Variants in KHDRBS2 observed in about 807,000 individuals in gnomAD.
KHDRBS2 encodes the protein KH domain-containing, RNA-binding, signal transduction-associated protein 2.
In KHDRBS2, 26 loss-of-function variants were observed where a neutral mutation model predicts 44.3. The observed-to-expected ratio is 0.59, with a 90% CI of 0.43 to 0.81. The LOEUF is 0.81. KHDRBS2 is among the 40% of genes least tolerant of loss of function. The probability of loss-of-function intolerance (pLI) is 0.00; values close to 1 mark genes in which losing one functional copy is unlikely to be tolerated. For missense variants in KHDRBS2, 476 were observed against 433.1 expected (o/e 1.10, Z -0.88); for synonymous variants, 194 against 151.1 (o/e 1.28, Z -2.08).
intron 2 of KHDRBS2, among the ~76,000 whole-genome samples, chr6:62,059,491 T>C (rs538631146): frequency 6.6e-6 from 1 of 151,692 alleles, no homozygotes; most frequent in East Asian, 2.0e-4. Flanking sequence ...GACATGGCAA[T>C]TTATTATATT....
At chr6:61,551,479 C>A in the KHDRBS2 span, among the ~76,000 whole-genome samples, 1 of 152,088 alleles carries the variant, frequency 6.6e-6, no homozygotes, top group East Asian at 1.9e-4. Flanking sequence ...GGTTATCTTC[C>A]ATGGTTTTTT....
intron 1 of KHDRBS2, among the ~76,000 whole-genome samples, chr6:62,229,367 T>C (rs1407782059): frequency 1.3e-5 from 2 of 152,100 alleles, no homozygotes; most frequent in African/African-American, 4.8e-5. Context: ...CAGGCTTCAG[T>C]AGGGGAAAAG....
chr6:62,208,447 A>C (rs1396946828), intron 1 of KHDRBS2, among the ~76,000 whole-genome samples: 2 of 152,164 alleles, frequency 1.3e-5, no homozygotes, highest in African/African-American at 4.8e-5. Flanking sequence ...GTATATGTAC[A>C]CATATTACCA....
chr6:61,741,889 A>G (rs1424641949), intron 6 of KHDRBS2, among the ~76,000 whole-genome samples: 1 of 151,996 alleles, frequency 6.6e-6, no homozygotes, highest in Non-Finnish European at 1.5e-5. Flanking sequence ...AAAATTAACA[A>G]GTCTTTGTGA....
intron 1 of KHDRBS2, 43 bp downstream of exon 1, chr6:62,285,815 A>T (rs1842406497): frequency 7.1e-7 from 1 of 1,409,310 alleles, no homozygotes; most frequent in Non-Finnish European, 1.0e-6. Flanking sequence ...CGGGTGAGAT[A>T]GGCAGCCGGC....
intron 2 of KHDRBS2, among the ~76,000 whole-genome samples, chr6:62,074,016 A>G (rs1251654389): frequency 6.6e-6 from 1 of 151,814 alleles, no homozygotes; most frequent in Non-Finnish European, 1.5e-5. Flanking sequence ...AATATGGATC[A>G]CAATCAACTC....
chr6:61,639,646 T>G, the KHDRBS2 span, among the ~76,000 whole-genome samples: 1 of 152,050 alleles, frequency 6.6e-6, no homozygotes, highest in Non-Finnish European at 1.5e-5. Flanking sequence ...TTTTTATTTT[T>G]CCTTTTCCTC....
At chr6:62,075,962 G>T (rs2127350040) in intron 2 of KHDRBS2, among the ~76,000 whole-genome samples, 1 of 150,904 alleles carries the variant, frequency 6.6e-6, no homozygotes, top group African/African-American at 2.4e-5. Context: ...TTTGAATGTA[G>T]ATTTTTTTTG....
At chr6:62,201,228 G>T (rs890656582) in intron 1 of KHDRBS2, among the ~76,000 whole-genome samples, 2 of 151,498 alleles carry the variant, frequency 1.3e-5, no homozygotes, top group Non-Finnish European at 1.5e-5. Context: ...AAAACTTCAA[G>T]TATTATTAAA....
chr6:61,846,770 A>C (rs1211582677), intron 6 of KHDRBS2, among the ~76,000 whole-genome samples: 2 of 128,058 alleles, frequency 1.6e-5, no homozygotes, highest in Non-Finnish European at 3.3e-5. Flanking sequence ...AATATGATAT[A>C]GCCCTTGTAA....
intron 1 of KHDRBS2, among the ~76,000 whole-genome samples, chr6:62,200,733 G>A (rs1168165395): frequency 1.3e-5 from 2 of 152,264 alleles, no homozygotes; most frequent in East Asian, 1.9e-4. Flanking sequence ...TCCCATTACT[G>A]GGTATATACC....
At chr6:62,061,896 C>T (rs1792022221) in intron 2 of KHDRBS2, among the ~76,000 whole-genome samples, 4 of 151,486 alleles carry the variant, frequency 2.6e-5, no homozygotes, top group Non-Finnish European at 4.4e-5. Flanking sequence ...TTTCTCTAAA[C>T]TTCCCTTCTC....
chr6:61,576,415 A>AT, the KHDRBS2 span, among the ~76,000 whole-genome samples: 12 of 152,190 alleles, frequency 7.9e-5, no homozygotes, highest in Admixed American at 7.9e-4. Context: ...AATGCTACAG[A>AT]TTTTGTATGC....
chr6:62,230,575 A>G (rs1832741013), intron 1 of KHDRBS2, among the ~76,000 whole-genome samples: 1 of 152,188 alleles, frequency 6.6e-6, no homozygotes, highest in African/African-American at 2.4e-5. Context: ...GCTTCTTTAG[A>G]GGAAGTTGCG....
At chr6:62,125,293 G>A (rs1808696770) in intron 2 of KHDRBS2, among the ~76,000 whole-genome samples, 1 of 152,158 alleles carries the variant, frequency 6.6e-6, no homozygotes, top group Non-Finnish European at 1.5e-5. Context: ...CTTCCATAGT[G>A]GGAGGATTTA....
intron 4 of KHDRBS2, among the ~76,000 whole-genome samples, chr6:61,968,941 AAAAG>A (rs753587086): frequency 6.6e-6 from 1 of 152,058 alleles, no homozygotes; most frequent in Non-Finnish European, 1.5e-5. Flanking sequence ...TGACAAAAAT[AAAAG>A]AAAGAAAAAA....
chr6:61,932,480 T>TC (rs1052798780), intron 4 of KHDRBS2, among the ~76,000 whole-genome samples: 15 of 152,228 alleles, frequency 9.9e-5, no homozygotes, highest in African/African-American at 3.4e-4. Flanking sequence ...TTCCGTGAGA[T>TC]CAACATTTTT....
At chr6:62,105,871 A>G (rs1288389814) in intron 2 of KHDRBS2, among the ~76,000 whole-genome samples, 2 of 151,930 alleles carry the variant, frequency 1.3e-5, no homozygotes, top group African/African-American at 4.8e-5. Context: ...TGTGATGTTA[A>G]GGTGTCAATT....
chr6:61,821,483 A>G (rs1789905385), intron 6 of KHDRBS2, among the ~76,000 whole-genome samples: 1 of 152,004 alleles, frequency 6.6e-6, no homozygotes, highest in Non-Finnish European at 1.5e-5. Flanking sequence ...TTTTAATGCT[A>G]ATGCACAGGT....
Sources: allele counts gnomAD v4.1 joint callset (sites outside exome capture counted in the v4.1 genomes callset), GRCh38; gene constraint gnomAD v4.1.1; transcripts MANE v1.5; gene names NCBI Gene and HGNC (gene_info 2026-07-23, HGNC 2026-07-21).